Variants in HS1BP3 observed in about 807,000 individuals in gnomAD.
The protein encoded by HS1BP3 is HCLS1 binding protein 3.
A neutral mutation model predicts 33.5 loss-of-function variants in HS1BP3; 32 were observed. The ratio of observed to expected loss-of-function variants is 0.95; its 90% confidence interval spans 0.72 to 1.28. The LOEUF is 1.28. Ranked by LOEUF, HS1BP3 falls within the 50% of genes most tolerant of loss-of-function variation. The pLI, the probability that HS1BP3 is intolerant of heterozygous loss-of-function variation, is 0.00. For missense variants in HS1BP3, 486 were observed against 502.3 expected, an observed-to-expected ratio of 0.97 and a Z score of 0.31; for synonymous variants, 187 against 209.2, an observed-to-expected ratio of 0.89 and a Z score of 0.92.
chr2:20,590,233 TCCA>T (rs1693779636), downstream of HS1BP3, among the ~76,000 whole-genome samples: 1 of 152,150 alleles, frequency 6.6e-6, no homozygotes, highest in Admixed American at 6.5e-5. Flanking sequence ...CAGCCACGGC[TCCA>T]GACTTGAGCC....
intron 5 of HS1BP3, among the ~76,000 whole-genome samples, chr2:20,564,969 G>A (rs572591042): frequency 1.3e-5 from 2 of 152,324 alleles, no homozygotes; most frequent in South Asian, 2.1e-4. Context: ...AGTAGGCATC[G>A]TGCTGCAGGC....
In HS1BP3 at chr2:20,617,998, C is replaced by A. The variant is rs1694470540; in HGVS notation, c.*989G>T. ...GCTCCACTGGTGAAAGGCCACTGAC[C>A]AAGTCCAGACCCTGAGGACGACGAA... On this transcript the variant is annotated 3_prime_UTR_variant, in exon 7 of 7. Coordinates refer to ENST00000304031, the MANE Select transcript of HS1BP3 (RefSeq NM_022460.4). 1 of 152,560 alleles carries A rather than the reference C, an allele frequency of 6.6e-6. No homozygotes were observed. The highest frequency in any genetic ancestry group is 1.5e-5 in the Non-Finnish European group (1 of 68,088). 9.5% of individuals were successfully genotyped at this position (152,560 alleles called of 1,614,324 possible). A position where few individuals can be genotyped will look rare whatever the true frequency, so the allele number is the denominator to read the frequency against.
chr2:20,584,812 G>A (rs1016829534), intron 5 of HS1BP3, among the ~76,000 whole-genome samples: 1 of 152,180 alleles, frequency 6.6e-6, no homozygotes, highest in Non-Finnish European at 1.5e-5. Context: ...GGGTTTGGAA[G>A]GGATGAGGGC....
intron 2 of HS1BP3, among the ~76,000 whole-genome samples, chr2:20,604,319 C>A (rs1247958451): frequency 6.6e-6 from 1 of 152,210 alleles, no homozygotes; most frequent in East Asian, 1.9e-4. Flanking sequence ...CTACACCCCA[C>A]ATTCTGCTTC....
downstream of HS1BP3, among the ~76,000 whole-genome samples, chr2:20,615,850 G>A (rs1331390444): frequency 2.6e-5 from 4 of 152,204 alleles, no homozygotes; most frequent in Non-Finnish European, 5.9e-5. Flanking sequence ...AGAGGAGCCC[G>A]TGGGGCACAT....
At chr2:20,634,182 C>T (rs905644434) in intron 4 of HS1BP3, among the ~76,000 whole-genome samples, 1 of 152,266 alleles carries the variant, frequency 6.6e-6, no homozygotes, top group Admixed American at 6.5e-5. Context: ...TCCTCAGCCC[C>T]CTGTGGGCGG....
chr2:20,599,573 A>G (rs1694022711), intron 2 of HS1BP3, among the ~76,000 whole-genome samples: 1 of 141,970 alleles, frequency 7.0e-6, no homozygotes, highest in Non-Finnish European at 1.5e-5. Flanking sequence ...GTTCCATTTT[A>G]TTTTCAAGGA....
intron 5 of HS1BP3, among the ~76,000 whole-genome samples, chr2:20,563,470 C>A (rs1052758234): frequency 3.9e-5 from 6 of 152,230 alleles, no homozygotes; most frequent in African/African-American, 1.4e-4. Context: ...TCTGATGGGG[C>A]CACTACTGGT....
intron 5 of HS1BP3, among the ~76,000 whole-genome samples, chr2:20,571,322 C>G (rs1693267183): frequency 1.3e-5 from 2 of 152,144 alleles, no homozygotes; most frequent in African/African-American, 4.8e-5. Context: ...GGGGACCCAG[C>G]CCTAGCAGAG....
At chr2:20,565,639 C>T (rs952696997) in intron 5 of HS1BP3, among the ~76,000 whole-genome samples, 2 of 152,254 alleles carry the variant, frequency 1.3e-5, no homozygotes, top group Non-Finnish European at 2.9e-5. Flanking sequence ...TCAGCACACC[C>T]TGCAACTAGG....
chr2:20,650,868 C>T (rs561976862), intron 1 of HS1BP3, among the ~76,000 whole-genome samples, 164 bp downstream of exon 1: 1 of 152,350 alleles, frequency 6.6e-6, no homozygotes, highest in African/African-American at 2.4e-5. Flanking sequence ...GTCGCCACCT[C>T]TCCTGCAGGG....
chr2:20,583,221 C>T (rs190100209), intron 5 of HS1BP3, among the ~76,000 whole-genome samples: 28 of 152,374 alleles, frequency 1.8e-4, no homozygotes, highest in Admixed American at 1.5e-3. Flanking sequence ...TCCCATTGCA[C>T]TTCACCTTCC....
chr2:20,651,088 G>C lies in HS1BP3; in HGVS notation c.-25C>G. The C allele has an allele frequency of 8.1e-7, 1 of 1,229,492 alleles. No homozygotes were observed. Among genetic ancestry groups the C allele is most frequent in the Non-Finnish European group, 1.0e-6 (1 of 986,306 alleles). The allele number at this position is 1,229,492 out of a possible 1,614,324, so 76.2% of individuals were successfully genotyped here. A position where few individuals can be genotyped will look rare whatever the true frequency, so the allele number is the denominator to read the frequency against. Reference sequence around the variant, plus strand: ...TGACGGCGGCGGGGACTCCGGGCGGGGCGCGCAGTCACGGGACCCGGCAGT... The same window carrying C: ...TGACGGCGGCGGGGACTCCGGGCGGCGCGCGCAGTCACGGGACCCGGCAGT... On this transcript the variant is annotated 5_prime_UTR_variant, in exon 1 of 7. Transcript: ENST00000304031.
intron 4 of HS1BP3, among the ~76,000 whole-genome samples, chr2:20,631,096 G>A (rs12329132): frequency 0.048 from 7,244 of 152,246 alleles, 583 homozygotes; most frequent in African/African-American, 0.16. Flanking sequence ...AAGCTGCCAA[G>A]TGGGTCCTGG....
chr2:20,575,983 C>CTGTGT (rs1553315165), intron 5 of HS1BP3, among the ~76,000 whole-genome samples: 1 of 151,948 alleles, frequency 6.6e-6, no homozygotes, highest in African/African-American at 2.4e-5. Context: ...CCATTTCCAT[C>CTGTGT]TTTGTTTTGT....
At chr2:20,645,315 A>C (rs1359508559) in intron 2 of HS1BP3, 25 bp downstream of exon 2, 1 of 1,608,002 alleles carries the variant, frequency 6.2e-7, no homozygotes, top group Admixed American at 1.7e-5. Flanking sequence ...CCCTCGAAAC[A>C]TCCTGGCCAG....
At chr2:20,570,406 C>T (rs1424154770) in intron 5 of HS1BP3, among the ~76,000 whole-genome samples, 1 of 152,252 alleles carries the variant, frequency 6.6e-6, no homozygotes, top group Non-Finnish European at 1.5e-5. Flanking sequence ...CCCTGGGCAC[C>T]TGCTTGCTGC....
At chr2:20,600,116 C>T (rs1049794016) in intron 2 of HS1BP3, among the ~76,000 whole-genome samples, 3 of 152,276 alleles carry the variant, frequency 2.0e-5, no homozygotes, top group East Asian at 1.9e-4. Flanking sequence ...TCTGTGCAGT[C>T]GGACCAAATG....
At chr2:20,567,855 GA>G (rs1372342511) in intron 5 of HS1BP3, among the ~76,000 whole-genome samples, 1 of 152,224 alleles carries the variant, frequency 6.6e-6, no homozygotes, top group Non-Finnish European at 1.5e-5. Flanking sequence ...GCAGCTTCAA[GA>G]AAGAGGAGAT....
Sources: allele counts gnomAD v4.1 joint callset (sites outside exome capture counted in the v4.1 genomes callset), GRCh38; gene constraint gnomAD v4.1.1; transcripts MANE v1.5; gene names NCBI Gene and HGNC (gene_info 2026-07-23, HGNC 2026-07-21).